The following TCF4 variants were observed in gnomAD, a reference collection of about 807,000 sequenced individuals.
TCF4 encodes transcription factor 4.
TCF4 carries 3 observed loss-of-function variants against 82.1 expected under a neutral mutation model. The observed-to-expected ratio is 0.04, with a 90% CI of 0.02 to 0.09. TCF4 has a LOEUF of 0.09. Ranked by LOEUF, TCF4 falls within the 10% of genes least tolerant of loss-of-function variation. The pLI is 1.00. For synonymous variants in TCF4, 276 were observed against 309.6 expected (o/e 0.89, Z 1.14); for missense variants, 518 against 852.7 (o/e 0.61, Z 4.89).
At chr18:55,324,257 A>C (rs1310884372) in intron 8 of TCF4, among the ~76,000 whole-genome samples, 1 of 152,230 alleles carries the variant, frequency 6.6e-6, no homozygotes, top group Non-Finnish European at 1.5e-5. Flanking sequence ...AATGCTTTGA[A>C]AGGTGATCTA....
chr18:55,544,644 C>T (rs1479907338), intron 3 of TCF4, among the ~76,000 whole-genome samples: 1 of 151,988 alleles, frequency 6.6e-6, no homozygotes, highest in African/African-American at 2.4e-5. Context: ...ATTACAATAC[C>T]ACAAATAAAG....
chr18:55,347,066 G>A (rs906031094), intron 8 of TCF4, among the ~76,000 whole-genome samples: 1 of 152,076 alleles, frequency 6.6e-6, no homozygotes, highest in Non-Finnish European at 1.5e-5. Flanking sequence ...GATGAAATAT[G>A]GTTTGAAATG....
At chr18:55,228,386 C>T in intron 18 of TCF4, 25 bp from the exon 19 acceptor site, 1 of 1,612,704 alleles carries the variant, frequency 6.2e-7, no homozygotes, top group Admixed American at 1.7e-5. Flanking sequence ...AGCACAGAAC[C>T]TTTGTTTAAT....
chr18:55,456,173 C>T (rs2095749397), intron 5 of TCF4, among the ~76,000 whole-genome samples: 1 of 152,218 alleles, frequency 6.6e-6, no homozygotes, highest in Non-Finnish European at 1.5e-5. Context: ...AATATGACCA[C>T]AGTAACCAAA....
chr18:55,233,816 C>CAAAA (rs34564671), intron 16 of TCF4, among the ~76,000 whole-genome samples: 44 of 62,974 alleles, frequency 7.0e-4, no homozygotes, highest in African/African-American at 2.0e-3. Context: ...GAGGCTCTGT[C>CAAAA]AAAAAAAAAA....
intron 3 of TCF4, among the ~76,000 whole-genome samples, chr18:55,526,515 T>C (rs1418709912): frequency 6.6e-6 from 1 of 152,196 alleles, no homozygotes; most frequent in Non-Finnish European, 1.5e-5. Context: ...AAGGTTACTC[T>C]GGCTTCTCAT....
chr18:55,287,588 G>T lies in TCF4; in HGVS notation c.550-7932C>A, dbSNP rs117052312. Among the ~76,000 whole-genome samples, 102 of 152,280 alleles carry T rather than the reference G, an allele frequency of 6.7e-4. No homozygotes were observed. The East Asian group carries it at 0.013, about 19-fold the overall frequency. On this transcript the variant is annotated intron_variant, in intron 8 of 19. Transcript: ENST00000354452. ...ACCAGGAAGCAGCAGAGACCTGGGC[G>T]ATCCACAAAGGAGCAGGAGAGGCCT...
chr18:55,355,179 A>G (rs959473270), intron 6 of TCF4, among the ~76,000 whole-genome samples: 2 of 152,210 alleles, frequency 1.3e-5, no homozygotes, highest in African/African-American at 4.8e-5. Context: ...ATGGAAAAAA[A>G]TTCTGAACCA....
rs568957353 is a variant in TCF4, at chr18:55,389,496, A to G, written c.369+13958T>C. Among the ~76,000 whole-genome samples, 24 of 152,326 alleles carry G rather than the reference A, an allele frequency of 1.6e-4. 1 individual carries two copies. The highest frequency in any genetic ancestry group is 3.4e-3 in the Middle Eastern group (1 of 294). On this transcript the variant is annotated intron_variant, in intron 6 of 19. Coordinates refer to ENST00000354452, the MANE Select transcript of TCF4 (RefSeq NM_001083962.2). ...AACATCCAGGGTCCCTGAATCTTGAACAAAGCAGGTGAGTTAGCTGGTAGA... is the reference window on the plus strand; with the variant it reads ...AACATCCAGGGTCCCTGAATCTTGAGCAAAGCAGGTGAGTTAGCTGGTAGA...
At chr18:55,413,132 G>T (rs535175593) in intron 5 of TCF4, among the ~76,000 whole-genome samples, 3 of 152,108 alleles carry the variant, frequency 2.0e-5, no homozygotes, top group African/African-American at 4.8e-5. Context: ...AGAATGGGGG[G>T]GGACATGACA....
chr18:55,238,130 A>G (rs897552336), intron 15 of TCF4, among the ~76,000 whole-genome samples: 2 of 152,244 alleles, frequency 1.3e-5, no homozygotes, highest in Non-Finnish European at 2.9e-5. Flanking sequence ...CCCACAAGTC[A>G]ATTCTAAGCA....
chr18:55,586,383 G>T, intron 2 of TCF4: 2 of 548,484 alleles, frequency 3.6e-6, no homozygotes, highest in Non-Finnish European at 6.6e-6. Flanking sequence ...TTTAGGAAAA[G>T]GAAGCAAAGG....
intron 10 of TCF4, among the ~76,000 whole-genome samples, chr18:55,273,076 C>T (rs749430564): frequency 6.6e-5 from 10 of 152,168 alleles, no homozygotes; most frequent in Non-Finnish European, 7.4e-5. Context: ...AAACTTTAAC[C>T]GCAAACTCCA....
chr18:55,537,330 G>C (rs1394001269), intron 3 of TCF4, among the ~76,000 whole-genome samples: 2 of 152,074 alleles, frequency 1.3e-5, no homozygotes, highest in Admixed American at 6.5e-5. Context: ...GCCGGGCACA[G>C]TGGCTCACGC....
intron 5 of TCF4, among the ~76,000 whole-genome samples, chr18:55,457,633 G>A (rs769667752): frequency 7.9e-5 from 12 of 152,118 alleles, no homozygotes; most frequent in Non-Finnish European, 1.5e-4. Context: ...CCACAGAAGT[G>A]TGCCACCACG....
chr18:55,393,566 T>G (rs951883836), intron 6 of TCF4, among the ~76,000 whole-genome samples: 4 of 152,226 alleles, frequency 2.6e-5, no homozygotes, highest in African/African-American at 9.6e-5. Flanking sequence ...TTGTAACCTT[T>G]GCATGTATTT....
At chr18:55,350,211 G>T in intron 8 of TCF4, 148 bp downstream of exon 8, 1 of 786,928 alleles carries the variant, frequency 1.3e-6, no homozygotes, top group Non-Finnish European at 2.2e-6. Context: ...TCAGGTGGCT[G>T]GATGTGCAGG....
intron 6 of TCF4, among the ~76,000 whole-genome samples, chr18:55,358,554 G>A (rs1219688326): frequency 6.6e-6 from 1 of 152,226 alleles, no homozygotes; most frequent in Non-Finnish European, 1.5e-5. Flanking sequence ...GTGGTTATGT[G>A]ACCTGACCAA....
At chr18:55,466,259 G>C (rs1257662730) in intron 3 of TCF4, among the ~76,000 whole-genome samples, 4 of 152,168 alleles carry the variant, frequency 2.6e-5, no homozygotes, top group Non-Finnish European at 5.9e-5. Flanking sequence ...ACGTTGGGAG[G>C]CTGAAGCAGA....
Sources: allele counts gnomAD v4.1 joint callset (sites outside exome capture counted in the v4.1 genomes callset), GRCh38; gene constraint gnomAD v4.1.1; transcripts MANE v1.5; gene names NCBI Gene and HGNC (gene_info 2026-07-23, HGNC 2026-07-21).